Variants in DCAF6 observed in about 807,000 individuals in gnomAD.
DCAF6 encodes DDB1- and CUL4-associated factor 6.
In DCAF6, 54 loss-of-function variants were observed where a neutral mutation model predicts 125.1. The ratio of observed to expected loss-of-function variants is 0.43; its 90% CI spans 0.35 to 0.54. DCAF6 has a LOEUF of 0.54. DCAF6 is among the 20% of genes least tolerant of loss of function. The pLI is 0.01. For synonymous variants in DCAF6, 371 were observed against 390.4 expected (o/e 0.95, Z 0.58); for missense variants, 934 against 1,161.7 (o/e 0.80, Z 2.85).
Position 168,030,721 on chromosome 1 carries a change from A to G in DCAF6, c.1610-7650A>G, listed in dbSNP as rs555336370. On this transcript the variant is annotated intron_variant, in intron 12 of 21. Coordinates refer to ENST00000367840, the MANE Select transcript of DCAF6 (RefSeq NM_001198956.2). ...ACAACTTCAGAATTTTCTTATGTAGATAGTTTAGTAATAAATAGCAGTCTG... is the reference window on the plus strand; with the variant it reads ...ACAACTTCAGAATTTTCTTATGTAGGTAGTTTAGTAATAAATAGCAGTCTG... 5.3e-5 allele frequency among the ~76,000 whole-genome samples: 8 copies of G among 152,354 alleles called. 1 individual carries two copies. The South Asian group carries it at 1.7e-3, about 32-fold the overall frequency.
chr1:168,012,267 C>T (rs1363349087), intron 10 of DCAF6, among the ~76,000 whole-genome samples: 1 of 152,124 alleles, frequency 6.6e-6, no homozygotes, highest in Non-Finnish European at 1.5e-5. Context: ...ACCAGGTGGA[C>T]CTTTGTTGCG....
At chr1:167,865,056 T>C in the DCAF6 span, among the ~76,000 whole-genome samples, 1 of 152,172 alleles carries the variant, frequency 6.6e-6, no homozygotes, top group Non-Finnish European at 1.5e-5. Context: ...GCGAAAGTCA[T>C]AGAAAACGAT....
At chr1:168,011,142 G>A (rs1405814750) in intron 10 of DCAF6, among the ~76,000 whole-genome samples, 2 of 140,186 alleles carry the variant, frequency 1.4e-5, no homozygotes, top group Non-Finnish European at 3.0e-5. Context: ...TTTTGAGATG[G>A]AGTCTTGCTC....
At chr1:167,897,175 TA>T in the DCAF6 span, among the ~76,000 whole-genome samples, 2,450 of 136,074 alleles carry the variant, frequency 0.018, 9 homozygotes, top group Admixed American at 0.021. Flanking sequence ...TATTCTTGGT[TA>T]AAAAAAAAAA....
intron 7 of DCAF6, among the ~76,000 whole-genome samples, chr1:167,995,402 G>A (rs1222250746): frequency 5.3e-5 from 8 of 152,250 alleles, no homozygotes; most frequent in East Asian, 1.9e-4. Flanking sequence ...CTTGTTGGCC[G>A]GGCGTAGTGG....
In DCAF6 at chr1:168,063,714, G is replaced by T. The variant is rs760189815; in HGVS notation, c.2394G>T (p.Pro798=). 1 of 1,604,138 alleles carries T rather than the reference G, an allele frequency of 6.2e-7. No individual in the cohort carries two copies. The highest frequency in any genetic ancestry group is 1.3e-5 in the African/African-American group (1 of 74,088). The change falls in exon 18 of 22, where the codon CCG becomes CCT. Residue 798 remains proline (P), a synonymous_variant. Coordinates refer to ENST00000367840, the MANE Select transcript of DCAF6 (RefSeq NM_001198956.2). Reference sequence around the variant, plus strand: ...TGGATACTTTGAACATTAGAAGGCCGCTAGTAAAAATGGTTTATAAAGGCC... The same window carrying T: ...TGGATACTTTGAACATTAGAAGGCCTCTAGTAAAAATGGTTTATAAAGGCC... ...EELDTLNIRR[P]LVKMVYKGHR... is the part of the protein sequence containing the mutation.
Position 168,004,041 on chromosome 1 carries a change from T to C in DCAF6, c.1117+52T>C, listed in dbSNP as rs537727761. On this transcript the variant is annotated intron_variant, in intron 9 of 21. Transcript: ENST00000367840. ...TCAGAAAGCTGGCAAAAACTACTTA[T>C]TGAAGCCAGTTTTTATTTCTATCAT... 4.4e-5 allele frequency: 70 copies of C among 1,585,084 alleles called. 1 individual carries two copies. The South Asian group carries it at 7.6e-4, about 17-fold the overall frequency.
rs74960990 is a variant in DCAF6, at chr1:167,943,334, C to T, written c.97+6326C>T. 8.4e-3 allele frequency among the ~76,000 whole-genome samples: 1,275 copies of T among 152,192 alleles called. 7 individuals are homozygous for T. The highest frequency in any genetic ancestry group is 0.013 in the Non-Finnish European group (891 of 67,996). On this transcript the variant is annotated intron_variant, in intron 1 of 21. Coordinates refer to ENST00000367840, the MANE Select transcript of DCAF6 (RefSeq NM_001198956.2). ...AAAGACTTGGGATTTTGTGTTGAAT[C>T]TATATATTATTTCAGGGAGAACTGA...
At chr1:167,938,823 A>G (rs995226005) in intron 1 of DCAF6, among the ~76,000 whole-genome samples, 6 of 152,192 alleles carry the variant, frequency 3.9e-5, no homozygotes, top group African/African-American at 1.4e-4. Context: ...TAACAAAACC[A>G]TATACCTGCT....
At position 167,966,769 on chromosome 1, in the gene DCAF6, A is replaced by G. The variant is rs199597681; in HGVS notation, c.252+48A>G. 222 of 1,157,360 alleles carry G rather than the reference A, an allele frequency of 1.9e-4. No homozygotes were observed. The East Asian group carries it at 5.1e-3, about 27-fold the overall frequency. The allele number at this position is 1,157,360 out of a possible 1,614,324, so 71.7% of individuals were successfully genotyped here. A position where few individuals can be genotyped will look rare whatever the true frequency, so the allele number is the denominator to read the frequency against. On this transcript the variant is annotated intron_variant, in intron 3 of 21. Transcript: ENST00000367840. The stretch of plus-strand genomic sequence containing the variant: ...TAATTTAATGAGAGAAAAAAAATCA[A>G]GAAGGCAGAAATGAAGAAACTGTGA...
At chr1:167,879,964 G>C in the DCAF6 span, 1 of 715,694 alleles carries the variant, frequency 1.4e-6, no homozygotes, top group Non-Finnish European at 2.5e-6. Context: ...CAAGCATTGA[G>C]GGCTCCATGG....
the DCAF6 span, among the ~76,000 whole-genome samples, chr1:167,884,229 G>A: frequency 6.6e-6 from 1 of 152,182 alleles, no homozygotes; most frequent in South Asian, 2.1e-4. Flanking sequence ...TTGACTCACA[G>A]TTCCATGGGC....
At chr1:167,880,136 T>A in the DCAF6 span, 1 of 1,613,008 alleles carries the variant, frequency 6.2e-7, no homozygotes, top group Non-Finnish European at 8.5e-7. Flanking sequence ...TGTCTCACAG[T>A]GTGTCCAACG....
intron 17 of DCAF6, among the ~76,000 whole-genome samples, chr1:168,051,205 T>C (rs1425315238): frequency 6.6e-6 from 1 of 152,268 alleles, no homozygotes; most frequent in Non-Finnish European, 1.5e-5. Context: ...TCTGAAATGA[T>C]GTACTTTAAG....
chr1:167,995,127 C>G (rs1311730582), intron 7 of DCAF6, among the ~76,000 whole-genome samples: 1 of 152,088 alleles, frequency 6.6e-6, no homozygotes, highest in Non-Finnish European at 1.5e-5. Context: ...TACTGCTATG[C>G]AAATTTCCCC....
upstream of DCAF6, chr1:167,935,942 T>G: frequency 1.1e-6 from 1 of 895,950 alleles, no homozygotes; most frequent in Non-Finnish European, 1.8e-6. Context: ...CCACGACGAC[T>G]CGCGTCCGCC....
At chr1:167,958,885 T>G (rs1293035346) in intron 2 of DCAF6, among the ~76,000 whole-genome samples, 1 of 152,230 alleles carries the variant, frequency 6.6e-6, no homozygotes, top group Non-Finnish European at 1.5e-5. Context: ...TAATACATCA[T>G]AATCCATCCA....
the DCAF6 span, chr1:167,920,068 T>A: frequency 6.2e-7 from 1 of 1,612,192 alleles, no homozygotes; most frequent in South Asian, 1.1e-5. Context: ...TAATTACAAG[T>A]GAGTATCTTG....
At chr1:168,032,541 G>A (rs1228869264) in intron 12 of DCAF6, among the ~76,000 whole-genome samples, 1 of 152,192 alleles carries the variant, frequency 6.6e-6, no homozygotes, top group Non-Finnish European at 1.5e-5. Context: ...AGTGCAGAAT[G>A]TGGGGAGATA....
Sources: gnomAD v4.1 joint callset for allele counts (sites outside exome capture counted in the v4.1 genomes callset) on GRCh38, gnomAD v4.1.1 for gene constraint, MANE v1.5 for transcripts, NCBI Gene and HGNC (gene_info 2026-07-23, HGNC 2026-07-21) for gene names.